Variants in RBMS3 observed in about 807,000 individuals in gnomAD.
RBMS3 encodes the protein RNA binding motif single stranded interacting protein 3, also known as RNA-binding motif, single-stranded-interacting protein 3.
In RBMS3, 27 loss-of-function variants were observed where a neutral mutation model predicts 66.8. The ratio of observed to expected loss-of-function variants is 0.40; its 90% CI spans 0.30 to 0.56. The LOEUF is 0.56. Among genes scored for constraint, RBMS3 ranks in the 20% least tolerant of loss-of-function variants. The pLI is 0.40. For synonymous variants in RBMS3, 188 were observed against 183.0 expected (o/e 1.03, Z -0.22); for missense variants, 513 against 549.5 (o/e 0.93, Z 0.66).
chr3:29,803,268 G>A (rs1197309231), intron 6 of RBMS3, among the ~76,000 whole-genome samples: 4 of 152,042 alleles, frequency 2.6e-5, no homozygotes, highest in Admixed American at 1.3e-4. Flanking sequence ...CCTGCATAAT[G>A]TATGATAATA....
In RBMS3 at chr3:29,327,324, A is replaced by G. The variant is rs79138179; in HGVS notation, c.75+45568A>G. ...GAATTGTGCTGTCTTTTTGTAAATTATGCCTGAAAAAATCGTGATTGTTCC... is the reference window on the plus strand; with the variant it reads ...GAATTGTGCTGTCTTTTTGTAAATTGTGCCTGAAAAAATCGTGATTGTTCC... On this transcript the variant is annotated intron_variant, in intron 1 of 14. Transcript: ENST00000383767. Among the ~76,000 whole-genome samples the G allele has an allele frequency of 1.4e-3, 210 of 152,270 alleles. 2 individuals are homozygous for G. The highest frequency in any genetic ancestry group is 4.9e-3 in the African/African-American group (203 of 41,566).
At chr3:29,533,512 C>G (rs1410775505) in intron 3 of RBMS3, among the ~76,000 whole-genome samples, 1 of 151,768 alleles carries the variant, frequency 6.6e-6, no homozygotes, top group Non-Finnish European at 1.5e-5. Context: ...CATGGTGGCT[C>G]ACACCTGTAA....
At chr3:29,374,837 T>A (rs532762811) in intron 1 of RBMS3, among the ~76,000 whole-genome samples, 1 of 152,364 alleles carries the variant, frequency 6.6e-6, no homozygotes, top group East Asian at 1.9e-4. Context: ...GTTTTACCAT[T>A]ATCTATGCTT....
intron 4 of RBMS3, among the ~76,000 whole-genome samples, chr3:29,719,358 G>A (rs2053539388): frequency 6.6e-6 from 1 of 152,048 alleles, no homozygotes; most frequent in South Asian, 2.1e-4. Context: ...TCTTACCTTG[G>A]TTATCACTCA....
At chr3:29,666,371 G>A (rs2050757410) in intron 4 of RBMS3, among the ~76,000 whole-genome samples, 1 of 152,158 alleles carries the variant, frequency 6.6e-6, no homozygotes, top group Non-Finnish European at 1.5e-5. Context: ...TGTATGCCCA[G>A]GGCACAAAAC....
At chr3:29,411,362 G>A (rs1483223369) in intron 1 of RBMS3, among the ~76,000 whole-genome samples, 1 of 152,102 alleles carries the variant, frequency 6.6e-6, no homozygotes, top group Non-Finnish European at 1.5e-5. Flanking sequence ...TTCCTCTTTT[G>A]ACAAATCCTC....
At chr3:29,475,694 AT>A (rs1440321354) in intron 2 of RBMS3, among the ~76,000 whole-genome samples, 2 of 152,202 alleles carry the variant, frequency 1.3e-5, no homozygotes, top group Non-Finnish European at 2.9e-5. Flanking sequence ...AGCACGGGGT[AT>A]CTCCTAAAGG....
chr3:29,396,601 G>C (rs1040411702), intron 1 of RBMS3, among the ~76,000 whole-genome samples: 3 of 151,934 alleles, frequency 2.0e-5, no homozygotes, highest in African/African-American at 7.2e-5. Flanking sequence ...GACGGTTCAG[G>C]AAAAAAATGT....
intron 10 of RBMS3, among the ~76,000 whole-genome samples, chr3:29,922,440 T>A (rs1271198779): frequency 2.0e-5 from 3 of 146,536 alleles, no homozygotes. Flanking sequence ...TGAGCCGAGA[T>A]TGCGCCACTG....
intron 1 of RBMS3, among the ~76,000 whole-genome samples, chr3:29,301,432 A>G (rs888272317): frequency 7.2e-5 from 11 of 152,014 alleles, no homozygotes; most frequent in African/African-American, 2.7e-4. Flanking sequence ...AGTTTAGGAA[A>G]CTTGTTTAGC....
chr3:29,701,659 C>A (rs2052587443), intron 4 of RBMS3, among the ~76,000 whole-genome samples: 1 of 152,106 alleles, frequency 6.6e-6, no homozygotes, highest in Non-Finnish European at 1.5e-5. Context: ...CTGGGCGGGC[C>A]CGCACTCGGA....
chr3:29,926,552 G>A (rs2149669137), intron 10 of RBMS3, among the ~76,000 whole-genome samples: 1 of 152,230 alleles, frequency 6.6e-6, no homozygotes, highest in South Asian at 2.1e-4. Flanking sequence ...AGGCCCATTT[G>A]CCAATAGGAT....
chr3:29,897,930 T>C (rs1195572561), intron 9 of RBMS3, among the ~76,000 whole-genome samples: 2 of 151,622 alleles, frequency 1.3e-5, no homozygotes, highest in African/African-American at 4.8e-5. Flanking sequence ...AAATCATACT[T>C]CCCAAGAAAC....
chr3:29,356,153 A>C (rs79933110), intron 1 of RBMS3, among the ~76,000 whole-genome samples: 8,627 of 152,220 alleles, frequency 0.057, 265 homozygotes, highest in Middle Eastern at 0.071. Flanking sequence ...AATCAGTGCA[A>C]GTTGAATTCA....
intron 1 of RBMS3, among the ~76,000 whole-genome samples, chr3:29,379,107 C>T (rs2038637403): frequency 6.6e-6 from 1 of 152,146 alleles, no homozygotes; most frequent in African/African-American, 2.4e-5. Flanking sequence ...TTCCTGAGCA[C>T]TGAACACACA....
At chr3:29,414,713 A>T (rs1412597352) in intron 1 of RBMS3, among the ~76,000 whole-genome samples, 3 of 152,318 alleles carry the variant, frequency 2.0e-5, no homozygotes, top group Middle Eastern at 3.4e-3. Context: ...ACTCAGGGAA[A>T]AATGATAAGG....
intron 2 of RBMS3, among the ~76,000 whole-genome samples, chr3:29,455,860 G>T (rs1245255132): frequency 2.6e-5 from 4 of 151,218 alleles, no homozygotes; most frequent in South Asian, 2.1e-4. Context: ...ATCCCAAAAA[G>T]GATACTTGTT....
intron 2 of RBMS3, among the ~76,000 whole-genome samples, chr3:29,479,167 A>G (rs977718477): frequency 6.6e-6 from 1 of 152,144 alleles, no homozygotes; most frequent in Non-Finnish European, 1.5e-5. Flanking sequence ...AAATTTAATT[A>G]TTTCATGTTA....
chr3:29,748,550 A>G (rs909877907), intron 5 of RBMS3, among the ~76,000 whole-genome samples: 2 of 152,164 alleles, frequency 1.3e-5, no homozygotes, highest in Non-Finnish European at 2.9e-5. Context: ...GGTTCTTTGT[A>G]TCACAGATTC....
Sources: gnomAD v4.1 joint callset for allele counts (sites outside exome capture counted in the v4.1 genomes callset) on GRCh38, gnomAD v4.1.1 for gene constraint, MANE v1.5 for transcripts, NCBI Gene and HGNC (gene_info 2026-07-23, HGNC 2026-07-21) for gene names.